The following LPCAT1 variants were observed in gnomAD, a reference collection of about 807,000 sequenced individuals.
The protein encoded by LPCAT1 is 1-acylglycerol-3-phosphate O-acyltransferase.
In LPCAT1, 23 loss-of-function variants were observed where a neutral mutation model predicts 60.9. That is an observed-to-expected ratio of 0.38 (90% CI 0.27 to 0.53). LPCAT1 has a LOEUF of 0.53. LPCAT1 is among the 20% of genes least tolerant of loss of function. LPCAT1 has a pLI of 0.82. For missense variants in LPCAT1, 622 were observed against 723.6 expected, an observed-to-expected ratio of 0.86 and a Z score of 1.61; for synonymous variants, 340 against 301.1, an observed-to-expected ratio of 1.13 and a Z score of -1.34.
intron 5 of LPCAT1, among the ~76,000 whole-genome samples, chr5:1,485,010 AG>A (rs1247606530): frequency 1.3e-5 from 2 of 152,054 alleles, no homozygotes; most frequent in Admixed American, 6.5e-5. Flanking sequence ...GCCGAGTCCC[AG>A]CCCCTGAGAC....
In LPCAT1 at chr5:1,477,306, G is replaced by A. The variant is rs548363183; in HGVS notation, c.899+98C>T. The A allele has an allele frequency of 7.9e-5, 77 of 979,334 alleles. No individual in the cohort carries two copies. The highest frequency in any genetic ancestry group is 1.1e-4 in the Non-Finnish European group (71 of 633,534). The allele number at this position is 979,334 out of a possible 1,614,324, so 60.7% of individuals were successfully genotyped here. Reference sequence around the variant, plus strand: ...CTGGTTCCCGCACTTCTGCAAGAATGCCTTTTCCTAACGCTGTTGCCTATT... The same window carrying A: ...CTGGTTCCCGCACTTCTGCAAGAATACCTTTTCCTAACGCTGTTGCCTATT... On this transcript the variant is annotated intron_variant, in intron 9 of 13. Transcript: ENST00000283415. This position sits in a 1 kb window ranked among gnomAD's most constrained non-coding sequence, Gnocchi z 6.0.
In LPCAT1 at chr5:1,492,453, G is replaced by A. The variant is rs140372431; in HGVS notation, c.493+2247C>T. On this transcript the variant is annotated intron_variant, in intron 3 of 13. Transcript: ENST00000283415. Reference sequence around the variant, plus strand: ...GCGCAGTAGAGGAGTCATCAGCCACGCCCCAGGACAATGGCCCTTTCAGGC... The same window carrying A: ...GCGCAGTAGAGGAGTCATCAGCCACACCCCAGGACAATGGCCCTTTCAGGC... Among the ~76,000 whole-genome samples the A allele has an allele frequency of 5.9e-3, 892 of 152,320 alleles. 11 individuals are homozygous for A. Among genetic ancestry groups the A allele is most frequent in the African/African-American group, 0.02 (838 of 41,572 alleles).
chr5:1,516,371 C>T (rs1736505627), intron 1 of LPCAT1, among the ~76,000 whole-genome samples: 1 of 152,194 alleles, frequency 6.6e-6, no homozygotes, highest in African/African-American at 2.4e-5. Flanking sequence ...CTGATGGAGA[C>T]AATGACTCAC....
intron 2 of LPCAT1, among the ~76,000 whole-genome samples, 159 bp downstream of exon 2, chr5:1,501,301 GT>G (rs1316963177): frequency 1.3e-5 from 2 of 152,208 alleles, no homozygotes; most frequent in Non-Finnish European, 2.9e-5. Flanking sequence ...AGGTGGCCGA[GT>G]CCCCACTGGC....
rs776907051 is a variant in LPCAT1, at chr5:1,473,947, C to G, written c.1179+10G>C. On this transcript the variant is annotated intron_variant, in intron 11 of 13. Transcript: ENST00000283415. ...TGCCGACACCCCGCTCCGCAGGCGA[C>G]AGGCCCTACCTCGTCGAACAGTGAA... 1.2e-5 allele frequency: 19 copies of G among 1,612,186 alleles called. No homozygotes were observed. Among genetic ancestry groups the G allele is most frequent in the Non-Finnish European group, 1.1e-5 (13 of 1,178,772 alleles).
In LPCAT1 at chr5:1,483,891, C is replaced by T. The variant is rs540722682; in HGVS notation, c.668-405G>A. On this transcript the variant is annotated intron_variant, in intron 5 of 13. Transcript: ENST00000283415. This position sits in a 1 kb window ranked among gnomAD's most constrained non-coding sequence, Gnocchi z 9.2. Reference sequence around the variant, plus strand: ...ACACTTGCTATTATAACATTGCGCACGAGCTGGAAGACATCCGTGGAGGGA... The same window carrying T: ...ACACTTGCTATTATAACATTGCGCATGAGCTGGAAGACATCCGTGGAGGGA... Among the ~76,000 whole-genome samples the T allele has an allele frequency of 2.0e-5, 3 of 150,768 alleles. No individual in the cohort carries two copies. Among genetic ancestry groups the T allele is most frequent in the Admixed American group, 6.6e-5 (1 of 15,120 alleles).
rs907549732 is a variant in LPCAT1 at position 1,487,150 on chromosome 5, C to A, written c.667+1241G>T. ...GCCCAGCAGTGACCCCAGCCCCACA[C>A]CTTGTCAAGGAACAAGACCTGACGT... On this transcript the variant is annotated intron_variant, in intron 5 of 13. Coordinates refer to ENST00000283415, the MANE Select transcript of LPCAT1 (RefSeq NM_024830.5). This position sits in a 1 kb window ranked among gnomAD's most constrained non-coding sequence, Gnocchi z 6.1. Among the ~76,000 whole-genome samples, 1 of 152,238 alleles carries A rather than the reference C, an allele frequency of 6.6e-6. No individual in the cohort carries two copies. The highest frequency in any genetic ancestry group is 2.4e-5 in the African/African-American group (1 of 41,468).
chr5:1,499,984 G>A (rs1453461540), intron 2 of LPCAT1, among the ~76,000 whole-genome samples: 1 of 152,242 alleles, frequency 6.6e-6, no homozygotes, highest in Non-Finnish European at 1.5e-5. Flanking sequence ...ACCTTTCGGA[G>A]GCCAGGCAGT....
At chr5:1,482,791 G>A (rs6882886) in intron 6 of LPCAT1, among the ~76,000 whole-genome samples, 24,576 of 149,950 alleles carry the variant, frequency 0.16, 3,893 homozygotes, top group African/African-American at 0.41. Flanking sequence ...CTCCAGAGGT[G>A]GCAAGGCCCC....
chr5:1,523,790 TG>T lies in LPCAT1; in HGVS notation c.54del (p.Ser19AlafsTer31). 1.8e-6 allele frequency: 2 copies of T among 1,126,416 alleles called. No individual in the cohort carries two copies. Among genetic ancestry groups the T allele is most frequent in the Non-Finnish European group, 2.2e-6 (2 of 920,858 alleles). The allele number at this position is 1,126,416 out of a possible 1,614,324, so 69.8% of individuals were successfully genotyped here. On this transcript the variant is annotated frameshift_variant, in exon 1 of 14. Transcript: ENST00000283415. LOFTEE classifies it high-confidence loss of function. This position sits in a 1 kb window ranked among gnomAD's most constrained non-coding sequence, Gnocchi z 7.1. ...PRAAPASSAGASDARLLAPPG... is the reference protein window; with the variant it reads ...PRAAPASSAGXSDARLLAPPG... Reference sequence around the variant, plus strand: ...GGGGGCGCCAGCAGCCGAGCGTCGCTGGCCCCTGCGCTGGAGGCAGGGGCGG... The same window carrying T: ...GGGGGCGCCAGCAGCCGAGCGTCGCTGCCCCTGCGCTGGAGGCAGGGGCGG...
chr5:1,484,515 C>A (rs1420666439), intron 5 of LPCAT1, among the ~76,000 whole-genome samples: 1 of 152,240 alleles, frequency 6.6e-6, no homozygotes, highest in Admixed American at 6.5e-5. Context: ...CCAGGCAGCG[C>A]GTTCCTCCCA....
At position 1,496,204 on chromosome 5, in the gene LPCAT1, T is replaced by C. The variant is rs1046717346; in HGVS notation, c.279-1290A>G. Among the ~76,000 whole-genome samples, 7 of 151,672 alleles carry C rather than the reference T, an allele frequency of 4.6e-5. No homozygotes were observed. Among genetic ancestry groups the C allele is most frequent in the Non-Finnish European group, 1.5e-5 (1 of 67,936 alleles). The stretch of plus-strand genomic sequence containing the variant: ...GGTGAAACCCTGTCTCTACTAAAAA[T>C]ACAAAAATTAGCTGGGCATGGTGGC... On this transcript the variant is annotated intron_variant, in intron 2 of 13. Transcript: ENST00000283415. This position sits in a 1 kb window ranked among gnomAD's most constrained non-coding sequence, Gnocchi z 4.7.
chr5:1,465,129 AAAC>A (rs1423367448), intron 13 of LPCAT1, among the ~76,000 whole-genome samples: 5 of 147,202 alleles, frequency 3.4e-5, no homozygotes, highest in South Asian at 2.2e-4. Flanking sequence ...CACACACACA[AAAC>A]AAGCGCAGGC....
intron 1 of LPCAT1, among the ~76,000 whole-genome samples, chr5:1,520,299 ATG>A (rs1292862597): frequency 1.3e-5 from 2 of 152,238 alleles, no homozygotes; most frequent in Non-Finnish European, 2.9e-5. Flanking sequence ...TTGTATAAAA[ATG>A]TGGAGAAAAA....
At chr5:1,497,196 A>C (rs1735826848) in intron 2 of LPCAT1, among the ~76,000 whole-genome samples, 1 of 152,226 alleles carries the variant, frequency 6.6e-6, no homozygotes, top group Admixed American at 6.5e-5. Context: ...ACTCTCAGAA[A>C]CCAAGACTGT....
chr5:1,470,516 CCT>C (rs1476083910), intron 12 of LPCAT1, among the ~76,000 whole-genome samples: 14 of 152,292 alleles, frequency 9.2e-5, no homozygotes, highest in Admixed American at 8.5e-4. Context: ...GTGTGTGGCC[CCT>C]GTGTTAGGTG....
At chr5:1,468,874 C>T (rs75617723) in intron 12 of LPCAT1, among the ~76,000 whole-genome samples, 7,701 of 152,308 alleles carry the variant, frequency 0.051, 309 homozygotes, top group Non-Finnish European at 0.077. Context: ...GCACTTGCCA[C>T]GCTCTCTCAC....
Position 1,483,286 on chromosome 5 carries a change from A to C in LPCAT1, c.726+142T>G. The C allele has an allele frequency of 4.2e-6, 4 of 945,184 alleles. No homozygotes were observed. The South Asian group carries it at 5.4e-5, about 13-fold the overall frequency. The allele number at this position is 945,184 out of a possible 1,614,324, so 58.5% of individuals were successfully genotyped here. A position where few individuals can be genotyped will look rare whatever the true frequency, so the allele number is the denominator to read the frequency against. On this transcript the variant is annotated intron_variant, in intron 6 of 13. Coordinates refer to ENST00000283415, the MANE Select transcript of LPCAT1 (RefSeq NM_024830.5). The surrounding 1 kb of genome is among the most constrained non-coding windows in gnomAD (Gnocchi z 9.2). ...CTGCCCTCTCCAGCGCTGAGGCCGG[A>C]TGGACTCAGCATGGCCAAGTGTGGG...
intron 7 of LPCAT1, among the ~76,000 whole-genome samples, chr5:1,479,907 G>A (rs573352813): frequency 4.6e-5 from 7 of 151,864 alleles, no homozygotes; most frequent in South Asian, 2.1e-4. Context: ...TCCTTGGTTC[G>A]TCTAGCAAGA....
Sources: gnomAD v4.1 joint callset for allele counts (sites outside exome capture counted in the v4.1 genomes callset) on GRCh38, gnomAD v4.1.1 for gene constraint, Gnocchi (gnomAD v3.1) non-coding constraint, MANE v1.5 for transcripts, NCBI Gene and HGNC (gene_info 2026-07-23, HGNC 2026-07-21) for gene names.